RAB38: variants seen among roughly 807,000 people sequenced by gnomAD.
RAB38 encodes ras-related protein Rab-38.
A neutral mutation model predicts 18.4 loss-of-function variants in RAB38; 15 were observed. The observed-to-expected ratio is 0.82, with a 90% CI of 0.55 to 1.26. The LOEUF (loss-of-function observed/expected upper bound fraction) is 1.26. RAB38 is among the 50% of genes most tolerant of loss of function. The probability of loss-of-function intolerance (pLI) is 0.00; values close to 1 mark genes in which losing one functional copy is unlikely to be tolerated. For synonymous variants in RAB38, 101 were observed against 104.4 expected (o/e 0.97, Z 0.20); for missense variants, 294 against 267.4 (o/e 1.10, Z -0.69).
chr11:88,022,318 CA>C, the RAB38 span, among the ~76,000 whole-genome samples: 340 of 144,004 alleles, frequency 2.4e-3, 2 homozygotes, highest in African/African-American at 6.8e-3. Context: ...AAAAAACCCT[CA>C]AAAAAAAAAG....
At chr11:87,947,670 G>C in the RAB38 span, among the ~76,000 whole-genome samples, 5 of 152,074 alleles carry the variant, frequency 3.3e-5, no homozygotes, top group East Asian at 3.8e-4. Context: ...TCATGTTTTT[G>C]TCACGTTTGT....
downstream of RAB38, among the ~76,000 whole-genome samples, chr11:88,108,937 TTTTC>T (rs1255404312): frequency 6.6e-6 from 1 of 152,226 alleles, no homozygotes; most frequent in Non-Finnish European, 1.5e-5. Context: ...TTGAAAATTC[TTTTC>T]TTTAAGAATG....
chr11:88,037,948 T>C, the RAB38 span, among the ~76,000 whole-genome samples: 1 of 152,204 alleles, frequency 6.6e-6, no homozygotes, highest in African/African-American at 2.4e-5. Flanking sequence ...ATCATAAAGA[T>C]ATATAAAATA....
In RAB38 at chr11:88,113,900, T is replaced by G; in HGVS notation, c.*88A>C. On this transcript the variant is annotated 3_prime_UTR_variant, in exon 3 of 3. Transcript: ENST00000243662. ...TGGCTTGCCACATGTGGTATCTCTA[T>G]CCTGACGTTTACCCAAAATGGTAAA... 1 of 1,514,174 alleles carries G rather than the reference T, an allele frequency of 6.6e-7. No homozygotes were observed. Among genetic ancestry groups the G allele is most frequent in the East Asian group, 2.3e-5 (1 of 44,262 alleles). The allele number at this position is 1,514,174 out of a possible 1,614,324, so 93.8% of individuals were successfully genotyped here. A position where few individuals can be genotyped will look rare whatever the true frequency, so the allele number is the denominator to read the frequency against.
chr11:88,041,867 C>G, the RAB38 span, among the ~76,000 whole-genome samples: 98 of 152,258 alleles, frequency 6.4e-4, no homozygotes, highest in Middle Eastern at 0.024. Flanking sequence ...GATACCTAAG[C>G]GCAGCCCACA....
chr11:87,850,063 C>G, the RAB38 span, among the ~76,000 whole-genome samples: 3 of 152,084 alleles, frequency 2.0e-5, no homozygotes, highest in African/African-American at 4.8e-5. Flanking sequence ...TACACATACT[C>G]TCTCACACGT....
the RAB38 span, among the ~76,000 whole-genome samples, chr11:88,035,251 G>A: frequency 6.6e-6 from 1 of 152,136 alleles, no homozygotes; most frequent in Non-Finnish European, 1.5e-5. Flanking sequence ...TTTTAATGAA[G>A]TAAATTTTAT....
chr11:88,035,791 T>G, the RAB38 span, among the ~76,000 whole-genome samples: 1 of 152,204 alleles, frequency 6.6e-6, no homozygotes, highest in East Asian at 1.9e-4. Flanking sequence ...TCCTGCTTTA[T>G]GCACTGAAGC....
the RAB38 span, among the ~76,000 whole-genome samples, chr11:88,103,173 C>T: frequency 6.6e-6 from 1 of 151,702 alleles, no homozygotes; most frequent in Non-Finnish European, 1.5e-5. Context: ...CTCTAAATAC[C>T]ATAGTGTTAT....
At chr11:88,148,152 T>C (rs1189501473) in intron 2 of RAB38, among the ~76,000 whole-genome samples, 1 of 152,270 alleles carries the variant, frequency 6.6e-6, no homozygotes, top group Non-Finnish European at 1.5e-5. Flanking sequence ...CACACTGGCA[T>C]ACTGGGGTCT....
chr11:88,169,188 G>A (rs915798394), intron 1 of RAB38, among the ~76,000 whole-genome samples: 1 of 152,148 alleles, frequency 6.6e-6, no homozygotes, highest in Non-Finnish European at 1.5e-5. Context: ...AGATGGCAGA[G>A]GTTTCAAGCC....
At chr11:88,049,317 C>G in the RAB38 span, among the ~76,000 whole-genome samples, 1 of 152,116 alleles carries the variant, frequency 6.6e-6, no homozygotes, top group Non-Finnish European at 1.5e-5. Context: ...GACATTCCAC[C>G]ACAAAAGAAG....
At chr11:88,172,839 C>T (rs1943325854) in intron 1 of RAB38, among the ~76,000 whole-genome samples, 1 of 152,174 alleles carries the variant, frequency 6.6e-6, no homozygotes, top group African/African-American at 2.4e-5. Context: ...ATTCACTGTG[C>T]CTGCTGTCCA....
Position 88,173,854 on chromosome 11 carries a change from G to A in RAB38, c.202+1329C>T, listed in dbSNP as rs956578306. 1.2e-5 allele frequency: 12 copies of A among 985,358 alleles called. No homozygotes were observed. The East Asian group carries it at 4.5e-4, about 37-fold the overall frequency. 61.0% of individuals were successfully genotyped at this position (985,358 alleles called of 1,614,324 possible). A position where few individuals can be genotyped will look rare whatever the true frequency, so the allele number is the denominator to read the frequency against. ...TCTGTTCACATGCTAAAAGAAAAAG[G>A]CCTGGCAGTTCATGATTAAAGAGGC... On this transcript the variant is annotated intron_variant, in intron 1 of 2. Transcript: ENST00000243662.
chr11:87,976,089 C>A, the RAB38 span, among the ~76,000 whole-genome samples: 1 of 149,854 alleles, frequency 6.7e-6, no homozygotes, highest in Admixed American at 6.8e-5. Context: ...TCAAAAAAGT[C>A]TGGTATATGT....
chr11:88,163,339 C>T (rs995367495), intron 1 of RAB38, among the ~76,000 whole-genome samples: 1 of 151,998 alleles, frequency 6.6e-6, no homozygotes, highest in African/African-American at 2.4e-5. Context: ...AGAGGGAACC[C>T]CAGCAGGAAA....
At chr11:88,139,465 T>C (rs1312714162) in intron 2 of RAB38, among the ~76,000 whole-genome samples, 1 of 152,200 alleles carries the variant, frequency 6.6e-6, no homozygotes, top group East Asian at 1.9e-4. Context: ...TCATACTATA[T>C]TGTAAATATT....
the RAB38 span, among the ~76,000 whole-genome samples, chr11:87,818,112 A>G: frequency 6.6e-6 from 1 of 152,196 alleles, no homozygotes; most frequent in Non-Finnish European, 1.5e-5. Flanking sequence ...AAATACAGAT[A>G]GCCGGGAGCT....
At chr11:88,017,570 C>A in the RAB38 span, among the ~76,000 whole-genome samples, 2 of 151,272 alleles carry the variant, frequency 1.3e-5, no homozygotes. Context: ...CTATTACGTA[C>A]CCTAGTCTTA....
Sources: gnomAD v4.1 joint callset for allele counts (sites outside exome capture counted in the v4.1 genomes callset) on GRCh38, gnomAD v4.1.1 for gene constraint, MANE v1.5 for transcripts, NCBI Gene and HGNC (gene_info 2026-07-23, HGNC 2026-07-21) for gene names.